The following FHIT variants were observed in gnomAD, a reference collection of about 807,000 sequenced individuals.
FHIT encodes the protein fragile histidine triad diadenosine triphosphatase.
In FHIT, 19 loss-of-function variants were observed where a neutral mutation model predicts 17.9. The observed-to-expected ratio is 1.06, with a 90% CI of 0.74 to 1.56. The LOEUF is 1.56. FHIT is among the 40% of genes most tolerant of loss of function. FHIT has a pLI of 0.00. For missense variants in FHIT, 248 were observed against 189.2 expected (o/e 1.31, Z -1.82); for synonymous variants, 81 against 69.7 (o/e 1.16, Z -0.81).
chr3:61,123,343 GC>G (rs2106929422), intron 2 of FHIT, among the ~76,000 whole-genome samples: 1 of 152,228 alleles, frequency 6.6e-6, no homozygotes, highest in East Asian at 1.9e-4. Flanking sequence ...ACACACTGGG[GC>G]CTTTCAGTGG....
intron 5 of FHIT, among the ~76,000 whole-genome samples, chr3:60,503,341 A>G (rs12488248): frequency 0.44 from 67,275 of 151,544 alleles, 15,105 homozygotes; most frequent in African/African-American, 0.5. Flanking sequence ...GTGAAATTTT[A>G]TTGTATGTCC....
At chr3:60,025,310 G>A (rs919373406) in intron 5 of FHIT, among the ~76,000 whole-genome samples, 3 of 152,164 alleles carry the variant, frequency 2.0e-5, no homozygotes, top group Admixed American at 2.0e-4. Flanking sequence ...CACACACATT[G>A]TTTTCCTCTG....
In FHIT at chr3:60,881,396, C is replaced by T. The variant is rs568989387; in HGVS notation, c.-110-59385G>A. ...GGCCATCTAGAAAGAAAATCAACAACGAAACATTGAGTTTATACTGCATTT... is the reference window on the plus strand; with the variant it reads ...GGCCATCTAGAAAGAAAATCAACAATGAAACATTGAGTTTATACTGCATTT... On this transcript the variant is annotated intron_variant, in intron 3 of 9. Coordinates refer to ENST00000492590, the MANE Select transcript of FHIT (RefSeq NM_002012.4). Among the ~76,000 whole-genome samples the T allele has an allele frequency of 3.9e-5, 6 of 152,258 alleles. No individual in the cohort carries two copies. In the East Asian group the frequency reaches 7.7e-4, roughly 20 times the overall value.
At chr3:60,741,040 G>A (rs1264158345) in intron 4 of FHIT, among the ~76,000 whole-genome samples, 1 of 152,164 alleles carries the variant, frequency 6.6e-6, no homozygotes, top group Non-Finnish European at 1.5e-5. Context: ...AAAGTCCAGG[G>A]ACATATATAT....
intron 5 of FHIT, among the ~76,000 whole-genome samples, chr3:60,205,889 A>T (rs1170587156): frequency 1.3e-5 from 2 of 151,882 alleles, no homozygotes; most frequent in Non-Finnish European, 2.9e-5. Context: ...GGGGCAGATC[A>T]TGAGGTCAGG....
At chr3:59,877,113 T>C (rs573515981) in intron 8 of FHIT, among the ~76,000 whole-genome samples, 3 of 152,134 alleles carry the variant, frequency 2.0e-5, no homozygotes, top group South Asian at 4.2e-4. Flanking sequence ...AATTGAAGAG[T>C]AGAAAGAAGG....
At chr3:60,329,221 A>G (rs541994203) in intron 5 of FHIT, among the ~76,000 whole-genome samples, 1 of 151,178 alleles carries the variant, frequency 6.6e-6, no homozygotes, top group Non-Finnish European at 1.5e-5. Flanking sequence ...TTTTTTTTCT[A>G]ATTTAGCTAA....
chr3:61,055,350 A>G (rs1234793035), intron 2 of FHIT, among the ~76,000 whole-genome samples: 1 of 152,198 alleles, frequency 6.6e-6, no homozygotes, highest in Admixed American at 6.6e-5. Flanking sequence ...TAGCCACAAT[A>G]ATGCCTAATT....
intron 8 of FHIT, among the ~76,000 whole-genome samples, chr3:59,919,670 A>C (rs1379969016): frequency 6.6e-6 from 1 of 152,210 alleles, no homozygotes; most frequent in Non-Finnish European, 1.5e-5. Context: ...CTATGTCTGC[A>C]GCAGTAGAAA....
intron 5 of FHIT, among the ~76,000 whole-genome samples, chr3:60,173,194 T>C (rs1701494993): frequency 6.6e-6 from 1 of 152,194 alleles, no homozygotes; most frequent in Non-Finnish European, 1.5e-5. Flanking sequence ...GCCTCTCAGG[T>C]TGAAAGATCA....
chr3:59,752,185 G>A (rs373298360), intron 9 of FHIT, 36 bp downstream of exon 9: 153 of 1,464,466 alleles, frequency 1.0e-4, no homozygotes, highest in African/African-American at 9.8e-4. Flanking sequence ...TGAGGCCCAC[G>A]GGAGGGTCTG....
At chr3:61,072,808 T>TA (rs2034847962) in intron 2 of FHIT, among the ~76,000 whole-genome samples, 1 of 151,814 alleles carries the variant, frequency 6.6e-6, no homozygotes, top group Non-Finnish European at 1.5e-5. Flanking sequence ...GTTCAACAAA[T>TA]AAAAAATAAA....
At chr3:60,004,880 G>A (rs551082426) in intron 7 of FHIT, among the ~76,000 whole-genome samples, 12 of 152,190 alleles carry the variant, frequency 7.9e-5, no homozygotes, top group African/African-American at 2.9e-4. Flanking sequence ...TTTACTATGT[G>A]CCAGGCACTA....
At chr3:60,867,408 G>C (rs1349026554) in intron 3 of FHIT, among the ~76,000 whole-genome samples, 2 of 152,180 alleles carry the variant, frequency 1.3e-5, no homozygotes, top group African/African-American at 4.8e-5. Context: ...TGAAGGCTAA[G>C]GGCCAAATGA....
At chr3:59,960,150 C>T (rs1165732051) in intron 7 of FHIT, among the ~76,000 whole-genome samples, 1 of 152,128 alleles carries the variant, frequency 6.6e-6, no homozygotes, top group East Asian at 1.9e-4. Flanking sequence ...AAGGGGACAA[C>T]TGTGATTGTT....
chr3:60,941,736 C>T (rs1374491915), intron 3 of FHIT, among the ~76,000 whole-genome samples: 1 of 152,200 alleles, frequency 6.6e-6, no homozygotes. Context: ...CACCTTTCTA[C>T]GTTTGCACCC....
At chr3:61,122,599 C>A (rs1315287571) in intron 2 of FHIT, among the ~76,000 whole-genome samples, 2 of 152,180 alleles carry the variant, frequency 1.3e-5, no homozygotes, top group African/African-American at 2.4e-5. Context: ...TTTTTGCAAT[C>A]TATCCATCTG....
At chr3:59,932,877 C>A (rs532954436) in intron 7 of FHIT, among the ~76,000 whole-genome samples, 1 of 151,996 alleles carries the variant, frequency 6.6e-6, no homozygotes, top group Non-Finnish European at 1.5e-5. Context: ...TAACAGTCTT[C>A]CCTCCCATTC....
intron 3 of FHIT, among the ~76,000 whole-genome samples, chr3:60,918,573 A>T (rs530577656): frequency 6.6e-6 from 1 of 152,286 alleles, no homozygotes; most frequent in South Asian, 2.1e-4. Flanking sequence ...GTGTAGGCTG[A>T]GAGGGTGAAG....
Sources: gnomAD v4.1 joint callset for allele counts (sites outside exome capture counted in the v4.1 genomes callset) on GRCh38, gnomAD v4.1.1 for gene constraint, MANE v1.5 for transcripts, NCBI Gene and HGNC (gene_info 2026-07-23, HGNC 2026-07-21) for gene names.